COA4: variants seen among roughly 807,000 people sequenced by gnomAD.
COA4 encodes the protein cytochrome c oxidase assembly factor 4 homolog.
Under a neutral mutation model 7.3 loss-of-function variants are expected in COA4, and 8 were observed. That is an observed-to-expected ratio of 1.10 (90% CI 0.64 to 1.98). COA4 has a LOEUF of 1.98. Ranked by LOEUF, COA4 falls within the 30% of genes most tolerant of loss-of-function variation. The pLI is 0.00. For synonymous variants in COA4, 42 were observed against 44.3 expected (o/e 0.95, Z 0.21); for missense variants, 96 against 111.2 (o/e 0.86, Z 0.62).
At chr11:73,875,440 A>G (rs1948731551) in intron 1 of COA4, among the ~76,000 whole-genome samples, 1 of 152,186 alleles carries the variant, frequency 6.6e-6, no homozygotes, top group African/African-American at 2.4e-5. Context: ...CAACCTAGAC[A>G]AGGAAACAGG....
intron 1 of COA4, chr11:73,873,720 T>C (rs953552153): frequency 1.3e-5 from 4 of 312,806 alleles, no homozygotes; most frequent in African/African-American, 4.3e-5. Context: ...GGTTTTTCCA[T>C]GTTGCTCAGC....
chr11:73,875,333 A>G (rs1439774759), intron 1 of COA4, among the ~76,000 whole-genome samples: 1 of 152,212 alleles, frequency 6.6e-6, no homozygotes, highest in Non-Finnish European at 1.5e-5. Flanking sequence ...CATTCACTCA[A>G]CAAATGATTA....
intron 1 of COA4, among the ~76,000 whole-genome samples, chr11:73,874,941 C>A (rs779052069): frequency 6.6e-6 from 1 of 152,010 alleles, no homozygotes; most frequent in Non-Finnish European, 1.5e-5. Context: ...AGCCAAAGAT[C>A]GTGCCACTGC....
chr11:73,876,221 A>G (rs1388362843), intron 1 of COA4: 1 of 152,098 alleles, frequency 6.6e-6, no homozygotes, highest in Non-Finnish European at 1.5e-5. Flanking sequence ...CTTCCTAAAT[A>G]CACTGTTAAC....
At chr11:73,874,812 C>A (rs756012279) in intron 1 of COA4, among the ~76,000 whole-genome samples, 1 of 151,920 alleles carries the variant, frequency 6.6e-6, no homozygotes, top group Admixed American at 6.6e-5. Context: ...ATGATGAAAC[C>A]CCGTCTCTAC....
At chr11:73,874,068 A>AT (rs1257856750) in intron 1 of COA4, among the ~76,000 whole-genome samples, 1 of 152,172 alleles carries the variant, frequency 6.6e-6, no homozygotes, top group Non-Finnish European at 1.5e-5. Context: ...TAATCCTAGC[A>AT]TTATGGGAGG....
chr11:73,873,194 T>C lies in COA4; in HGVS notation c.185A>G (p.Lys62Arg). The change falls in exon 2 of 2, where the codon AAG becomes AGG. Residue 62 changes from lysine (K) to arginine (R), a missense_variant. Coordinates refer to ENST00000355693, the MANE Select transcript of COA4 (RefSeq NM_016565.3). The part of the protein sequence containing the change: ...RQCQPQVQAF[K>R]DCMSEQQARR... ...CGCCTGCTGTTCACTCATGCAATCC[T>C]TGAACGCCTGCACCTGTGGCTGGCA... 1 of 1,614,238 alleles carries C rather than the reference T, an allele frequency of 6.2e-7. No individual in the cohort carries two copies. The highest frequency in any genetic ancestry group is 8.5e-7 in the Non-Finnish European group (1 of 1,180,040).
At chr11:73,875,307 C>T (rs1432293293) in intron 1 of COA4, among the ~76,000 whole-genome samples, 1 of 152,178 alleles carries the variant, frequency 6.6e-6, no homozygotes, top group East Asian at 1.9e-4. Context: ...CTCCTTATTG[C>T]CTTAACTGTG....
At position 73,872,944 on chromosome 11, in the gene COA4, T is replaced by C. The variant is rs1055072171; in HGVS notation, c.*171A>G. Reference sequence around the variant, plus strand: ...TGTATGACATCTGACCATGAACATATGACAGCTGTTTGTGCCAGTCATGTC... The same window carrying C: ...TGTATGACATCTGACCATGAACATACGACAGCTGTTTGTGCCAGTCATGTC... On this transcript the variant is annotated 3_prime_UTR_variant, in exon 2 of 2. Transcript: ENST00000355693. The C allele has an allele frequency of 4.2e-6, 3 of 706,732 alleles. No individual in the cohort carries two copies. Among genetic ancestry groups the C allele is most frequent in the African/African-American group, 1.8e-5 (1 of 55,888 alleles). The allele number at this position is 706,732 out of a possible 1,614,324, so 43.8% of individuals were successfully genotyped here.
At position 73,876,814 on chromosome 11, in the gene COA4, G is replaced by A; in HGVS notation, c.-74C>T. The stretch of plus-strand genomic sequence containing the variant: ...GCTCCTACGCGGCGGCTTGGGTTTC[G>A]CAGGCGGTTGGGGATCCTCTGTACA... On this transcript the variant is annotated 5_prime_UTR_variant, in exon 1 of 2. Transcript: ENST00000355693. 1 of 442,616 alleles carries A rather than the reference G, an allele frequency of 2.3e-6. No individual in the cohort carries two copies. The highest frequency in any genetic ancestry group is 3.8e-6 in the Non-Finnish European group (1 of 262,064). 27.4% of individuals were successfully genotyped at this position (442,616 alleles called of 1,614,324 possible). A position where few individuals can be genotyped will look rare whatever the true frequency, so the allele number is the denominator to read the frequency against.
At position 73,873,313 on chromosome 11, in the gene COA4, C is replaced by T; in HGVS notation, c.66G>A (p.Glu22=). Residue 22 remains glutamate, a synonymous_variant, in exon 2 of 2, where the codon GAG becomes GAA. Coordinates refer to ENST00000355693, the MANE Select transcript of COA4 (RefSeq NM_016565.3). ...GGGAGATCAGCTGGTCCAGCGGGTC[C>T]TCCTCCTCATCGTCTTTCTTCACCC... is the stretch of plus-strand genomic sequence containing the variant. ...TQRVKKDDEE[E]DPLDQLISRS... is the part of the protein sequence containing the mutation. 1 of 1,614,246 alleles carries T rather than the reference C, an allele frequency of 6.2e-7. No homozygotes were observed. Among genetic ancestry groups the T allele is most frequent in the Admixed American group, 1.7e-5 (1 of 60,032 alleles).
intron 1 of COA4, among the ~76,000 whole-genome samples, chr11:73,874,069 T>G (rs894418495): frequency 6.6e-6 from 1 of 151,994 alleles, no homozygotes; most frequent in Non-Finnish European, 1.5e-5. Flanking sequence ...AATCCTAGCA[T>G]TATGGGAGGC....
chr11:73,873,553 T>C (rs1948712158), intron 1 of COA4, 159 bp from the exon 2 acceptor site: 2 of 668,182 alleles, frequency 3.0e-6, no homozygotes, highest in Non-Finnish European at 4.9e-6. Context: ...TTTTTTTTTT[T>C]TTGAGGGTGT....
Position 73,873,310 on chromosome 11 carries a change from G to C in COA4, c.69C>G (p.Asp23Glu). 1.9e-6 allele frequency: 3 copies of C among 1,614,238 alleles called. No individual in the cohort carries two copies. The highest frequency in any genetic ancestry group is 2.5e-6 in the Non-Finnish European group (3 of 1,180,048). ...QRVKKDDEEE[D>E]PLDQLISRSG... is the part of the protein sequence containing the mutation. The stretch of plus-strand genomic sequence containing the variant: ...AGCGGGAGATCAGCTGGTCCAGCGG[G>C]TCCTCCTCCTCATCGTCTTTCTTCA... Residue 23 changes from aspartate (D) to glutamate (E), a missense_variant, in exon 2 of 2, where the codon GAC becomes GAG. By Grantham distance (45) the Asp-to-Glu change is conservative. Transcript: ENST00000355693.
intron 1 of COA4, among the ~76,000 whole-genome samples, chr11:73,875,066 ACT>A (rs1218125033): frequency 6.6e-6 from 1 of 152,236 alleles, no homozygotes; most frequent in East Asian, 1.9e-4. Flanking sequence ...GAAAGAGTTC[ACT>A]GTGGCTGTAG....
chr11:73,873,073 G>A lies in COA4; in HGVS notation c.*42C>T. The A allele has an allele frequency of 1.3e-6, 2 of 1,552,236 alleles. No individual in the cohort carries two copies. The highest frequency in any genetic ancestry group is 1.7e-6 in the Non-Finnish European group (2 of 1,147,254). ...TCCTCTATAATCTTGCTGGGTGCTG[G>A]TCTTGGCAGGGCCATCTACTGGGGA... is the stretch of plus-strand genomic sequence containing the variant. On this transcript the variant is annotated 3_prime_UTR_variant, in exon 2 of 2. Transcript: ENST00000355693.
chr11:73,876,799 G>A lies in COA4; in HGVS notation c.-59C>T, dbSNP rs779057893. The A allele has an allele frequency of 9.7e-6, 4 of 412,140 alleles. No homozygotes were observed. The highest frequency in any genetic ancestry group is 2.1e-5 in the African/African-American group (1 of 48,574). 25.5% of individuals were successfully genotyped at this position (412,140 alleles called of 1,614,324 possible). On this transcript the variant is annotated 5_prime_UTR_variant, in exon 1 of 2. Transcript: ENST00000355693. ...AGGGCCCGAACGCACGCTCCTACGC[G>A]GCGGCTTGGGTTTCGCAGGCGGTTG...
At position 73,873,408 on chromosome 11, in the gene COA4, A is replaced by C. The variant is rs375379360; in HGVS notation, c.-16-14T>G. 1.2e-6 allele frequency: 2 copies of C among 1,611,014 alleles called. No individual in the cohort carries two copies. Among genetic ancestry groups the C allele is most frequent in the Admixed American group, 1.7e-5 (1 of 59,890 alleles). On this transcript the variant is annotated splice_polypyrimidine_tract_variant and intron_variant, in intron 1 of 1. Transcript: ENST00000355693. Reference sequence around the variant, plus strand: ...GGGATGGGGAGTCTATAGAACATTAACAGGTTAGAGTAGGGATATAATATG... The same window carrying C: ...GGGATGGGGAGTCTATAGAACATTACCAGGTTAGAGTAGGGATATAATATG...
At chr11:73,873,944 G>A (rs1045325912) in intron 1 of COA4, among the ~76,000 whole-genome samples, 1 of 152,202 alleles carries the variant, frequency 6.6e-6, no homozygotes, top group African/African-American at 2.4e-5. Context: ...AATAAGCTCA[G>A]TGGATTTTGC....
Sources: gnomAD v4.1 joint callset for allele counts (sites outside exome capture counted in the v4.1 genomes callset) on GRCh38, gnomAD v4.1.1 for gene constraint, MANE v1.5 for transcripts, NCBI Gene and HGNC (gene_info 2026-07-23, HGNC 2026-07-21) for gene names.